CAB39L: variants seen among roughly 807,000 people sequenced by gnomAD.
The protein encoded by CAB39L is calcium-binding protein 39-like.
CAB39L carries 23 observed loss-of-function variants against 39.1 expected under a neutral mutation model. That is an observed-to-expected ratio of 0.59 (90% CI 0.42 to 0.83). CAB39L has a LOEUF of 0.83. CAB39L is among the 40% of genes least tolerant of loss of function. The pLI is 0.00. For synonymous variants in CAB39L, 126 were observed against 137.2 expected (o/e 0.92, Z 0.57); for missense variants, 366 against 391.9 (o/e 0.93, Z 0.56).
chr13:49,404,552 C>T (rs1275049828), intron 3 of CAB39L, among the ~76,000 whole-genome samples: 1 of 151,902 alleles, frequency 6.6e-6, no homozygotes, highest in African/African-American at 2.4e-5. Flanking sequence ...GCATCAAGAC[C>T]ATCCAGGAAA....
chr13:49,431,324 G>A (rs1331805962), intron 3 of CAB39L, among the ~76,000 whole-genome samples: 2 of 152,096 alleles, frequency 1.3e-5, no homozygotes, highest in Non-Finnish European at 2.9e-5. Flanking sequence ...TATTGCTGAG[G>A]AGTATTCCAT....
At chr13:49,441,761 G>GAA (rs1236132274) in intron 1 of CAB39L, among the ~76,000 whole-genome samples, 1 of 151,956 alleles carries the variant, frequency 6.6e-6, no homozygotes, top group Non-Finnish European at 1.5e-5. Flanking sequence ...CATCAAAGGG[G>GAA]AAATTAAAAC....
intron 3 of CAB39L, among the ~76,000 whole-genome samples, chr13:49,387,488 A>G (rs1956391755): frequency 6.6e-6 from 1 of 152,220 alleles, no homozygotes; most frequent in African/African-American, 2.4e-5. Context: ...ACGCACATCA[A>G]CGTGCCCTCA....
chr13:49,377,181 C>A, intron 4 of CAB39L, 50 bp from the exon 5 acceptor site: 1 of 1,483,156 alleles, frequency 6.7e-7, no homozygotes, highest in Non-Finnish European at 9.2e-7. Context: ...AATGTTTAGG[C>A]CATAAACAAA....
chr13:49,392,201 A>C (rs1956502885), intron 3 of CAB39L, among the ~76,000 whole-genome samples: 1 of 152,218 alleles, frequency 6.6e-6, no homozygotes, highest in Admixed American at 6.5e-5. Flanking sequence ...TGTATGTAAT[A>C]GACATAATCA....
chr13:49,337,540 T>G (rs1954880188), intron 9 of CAB39L, among the ~76,000 whole-genome samples: 1 of 152,204 alleles, frequency 6.6e-6, no homozygotes, highest in South Asian at 2.1e-4. Context: ...CTTACTCTGT[T>G]GGGTTCCCTG....
Position 49,310,689 on chromosome 13 carries a change from G to T in CAB39L, c.*125C>A. The T allele has an allele frequency of 1.1e-6, 1 of 909,384 alleles. No homozygotes were observed. The highest frequency in any genetic ancestry group is 1.7e-6 in the Non-Finnish European group (1 of 597,890). The allele number at this position is 909,384 out of a possible 1,614,324, so 56.3% of individuals were successfully genotyped here. ...CAAATGTTTATACTCCATCTACCCA[G>T]AACAATTACAGCAGAAAAAATAGGC... is the stretch of plus-strand genomic sequence containing the variant. On this transcript the variant is annotated 3_prime_UTR_variant, in exon 11 of 11. Coordinates refer to ENST00000409308, the MANE Select transcript of CAB39L (RefSeq NM_001079670.3).
chr13:49,315,700 C>CA (rs1731028914), intron 10 of CAB39L, among the ~76,000 whole-genome samples: 1 of 151,850 alleles, frequency 6.6e-6, no homozygotes, highest in African/African-American at 2.4e-5. Flanking sequence ...GCCTGACCAA[C>CA]ATGGTGAAAC....
At chr13:49,390,631 T>C (rs184089521) in intron 3 of CAB39L, among the ~76,000 whole-genome samples, 51 of 152,314 alleles carry the variant, frequency 3.3e-4, no homozygotes, top group African/African-American at 1.2e-3. Context: ...TATACTATGC[T>C]ATCACATCCA....
chr13:49,328,703 G>T (rs111738933), intron 10 of CAB39L, among the ~76,000 whole-genome samples: 1 of 151,976 alleles, frequency 6.6e-6, no homozygotes, highest in Admixed American at 6.6e-5. Flanking sequence ...GCATGGTAAG[G>T]GCAGGCCTAC....
chr13:49,331,845 T>C (rs1485150414), intron 10 of CAB39L, 102 bp downstream of exon 10: 2 of 1,100,712 alleles, frequency 1.8e-6, no homozygotes, highest in Non-Finnish European at 2.6e-6. Flanking sequence ...GCCTATTTCA[T>C]TTTCTTTCAA....
chr13:49,341,001 A>G (rs1954989366), intron 8 of CAB39L, among the ~76,000 whole-genome samples: 1 of 152,236 alleles, frequency 6.6e-6, no homozygotes, highest in Non-Finnish European at 1.5e-5. Flanking sequence ...TCAAACTGTC[A>G]TGTATTATAC....
At chr13:49,356,788 G>C (rs1192618986) in intron 6 of CAB39L, among the ~76,000 whole-genome samples, 1 of 152,120 alleles carries the variant, frequency 6.6e-6, no homozygotes, top group Non-Finnish European at 1.5e-5. Context: ...ACAGGGGCTG[G>C]GTGCGGTAGC....
chr13:49,374,906 A>G (rs1956014559), intron 5 of CAB39L, among the ~76,000 whole-genome samples: 1 of 152,244 alleles, frequency 6.6e-6, no homozygotes, highest in African/African-American at 2.4e-5. Context: ...ACAGTAGCTT[A>G]ATATGCTGCT....
chr13:49,412,674 G>A (rs774047789), intron 3 of CAB39L, among the ~76,000 whole-genome samples: 15 of 152,160 alleles, frequency 9.9e-5, no homozygotes, highest in Non-Finnish European at 1.9e-4. Context: ...CCAGAGGATG[G>A]TTTTGTGGAA....
At chr13:49,393,893 A>T (rs1421355060) in intron 3 of CAB39L, among the ~76,000 whole-genome samples, 1 of 152,018 alleles carries the variant, frequency 6.6e-6, no homozygotes, top group Non-Finnish European at 1.5e-5. Context: ...GAAAAGTGTT[A>T]TAAAGTACTG....
In CAB39L at chr13:49,350,746, T is replaced by C. The variant is rs774520231; in HGVS notation, c.562A>G (p.Lys188Glu). ...DIASDAFATF[K>E]DLLTRHKVLV... ...CTGAGTTGGAAAAAAAAAATTACCT[T>C]GAAAGTAGCAAAGGCATCTGAAGCA... The change falls in exon 7 of 11, where the codon AAG (lysine) becomes GAG (glutamate). Residue 188 changes from lysine to glutamate, a missense_variant and splice_region_variant. Physicochemically the swap from Lys to Glu is moderately conservative, Grantham distance 56. Transcript: ENST00000409308. 6.5e-7 allele frequency: 1 copy of C among 1,545,164 alleles called. No homozygotes were observed. The highest frequency in any genetic ancestry group is 8.7e-7 in the Non-Finnish European group (1 of 1,143,680).
At chr13:49,313,992 TG>T (rs1326224714) in intron 10 of CAB39L, among the ~76,000 whole-genome samples, 1 of 151,982 alleles carries the variant, frequency 6.6e-6, no homozygotes, top group Non-Finnish European at 1.5e-5. Context: ...TCCCAGGAGG[TG>T]GCGATGACAT....
chr13:49,353,938 A>G (rs1012705423), intron 6 of CAB39L, among the ~76,000 whole-genome samples: 31 of 152,258 alleles, frequency 2.0e-4, no homozygotes, highest in African/African-American at 7.5e-4. Context: ...AATTTAATGA[A>G]CCTCAAACTG....
Sources: allele counts gnomAD v4.1 joint callset (sites outside exome capture counted in the v4.1 genomes callset), GRCh38; gene constraint gnomAD v4.1.1; transcripts MANE v1.5; gene names NCBI Gene and HGNC (gene_info 2026-07-23, HGNC 2026-07-21).